The following RICTOR variants were observed in gnomAD, a reference collection of about 807,000 sequenced individuals.
The protein encoded by RICTOR is RPTOR independent companion of MTOR complex 2.
In RICTOR, 49 loss-of-function variants were observed where a neutral mutation model predicts 214.9. The observed-to-expected ratio is 0.23, with a 90% CI of 0.18 to 0.29. RICTOR has a LOEUF of 0.29. RICTOR is among the 10% of genes least tolerant of loss of function. The pLI is 1.00. For missense variants in RICTOR, 1,625 were observed against 2,047.0 expected, an observed-to-expected ratio of 0.79 and a Z score of 3.98; for synonymous variants, 717 against 711.3, an observed-to-expected ratio of 1.01 and a Z score of -0.13.
rs780921179 is a variant in RICTOR at position 38,944,965 on chromosome 5, C to T, written c.4737G>A (p.Gly1579=). The T allele has an allele frequency of 2.0e-5, 32 of 1,613,758 alleles. No individual in the cohort carries two copies. The highest frequency in any genetic ancestry group is 3.3e-5 in the Admixed American group (2 of 59,978). Residue 1579 remains glycine, a synonymous_variant, in exon 35 of 38, where the codon GGG becomes GGA. Transcript: ENST00000357387. ...TGCTAGCTGAGCCTTCTTGAGACACCCCATCACTGCATCCAGAAATCCCCG... is the reference window on the plus strand; with the variant it reads ...TGCTAGCTGAGCCTTCTTGAGACACTCCATCACTGCATCCAGAAATCCCCG... ...KFSGISGCSD[G]VSQEGSASST...
chr5:38,986,290 G>C (rs1201950542), intron 7 of RICTOR, among the ~76,000 whole-genome samples: 3 of 152,100 alleles, frequency 2.0e-5, no homozygotes, highest in Non-Finnish European at 2.9e-5. Flanking sequence ...ACAATTGTAA[G>C]TTTCCTGAGG....
At chr5:39,050,814 T>G (rs1757784639) in intron 2 of RICTOR, among the ~76,000 whole-genome samples, 1 of 152,190 alleles carries the variant, frequency 6.6e-6, no homozygotes, top group Non-Finnish European at 1.5e-5. Context: ...GAAATAAGAT[T>G]GTCCCATATG....
chr5:38,948,794 C>T (rs1018345107), intron 31 of RICTOR, among the ~76,000 whole-genome samples: 7 of 152,106 alleles, frequency 4.6e-5, no homozygotes, highest in Admixed American at 6.6e-5. Flanking sequence ...TAAGGGTACA[C>T]AATTCATTGT....
chr5:39,064,266 A>G (rs1195215616), intron 2 of RICTOR, among the ~76,000 whole-genome samples: 1 of 152,230 alleles, frequency 6.6e-6, no homozygotes, highest in East Asian at 1.9e-4. Flanking sequence ...GTATCTGTAG[A>G]TGACCCAAAA....
chr5:38,993,083 C>G (rs1372879862), intron 6 of RICTOR, among the ~76,000 whole-genome samples: 1 of 152,132 alleles, frequency 6.6e-6, no homozygotes, highest in Non-Finnish European at 1.5e-5. Context: ...AAAGACATGT[C>G]AGATAAAAAT....
intron 24 of RICTOR, 123 bp downstream of exon 24, chr5:38,958,320 A>G (rs1402013498): frequency 1.2e-5 from 8 of 665,686 alleles, no homozygotes; most frequent in African/African-American, 7.3e-5. Context: ...TGAAAAGACA[A>G]TGTTTCAATA....
At position 39,053,205 on chromosome 5, in the gene RICTOR, A is replaced by G. The variant is rs561553758; in HGVS notation, c.97+20906T>C. ...CTCTGGAAAATGCTAACAGTAAAAA[A>G]TAATACAATTTAATAAGTAGCTAAA... On this transcript the variant is annotated intron_variant, in intron 2 of 37. Coordinates refer to ENST00000357387, the MANE Select transcript of RICTOR (RefSeq NM_152756.5). 1.6e-4 allele frequency among the ~76,000 whole-genome samples: 25 copies of G among 152,368 alleles called. No homozygotes were observed. In the Middle Eastern group the frequency reaches 0.01, roughly 62 times the overall value.
At chr5:39,031,699 C>G (rs980311296) in intron 2 of RICTOR, among the ~76,000 whole-genome samples, 1 of 152,094 alleles carries the variant, frequency 6.6e-6, no homozygotes, top group Non-Finnish European at 1.5e-5. Flanking sequence ...TGTGAATACA[C>G]ATAAACAAAT....
At chr5:38,955,950 A>G (rs1222178769) in intron 25 of RICTOR, among the ~76,000 whole-genome samples, 1 of 152,032 alleles carries the variant, frequency 6.6e-6, no homozygotes, top group African/African-American at 2.4e-5. Context: ...GTTACTGCAC[A>G]GACAATGCCA....
In RICTOR at chr5:39,056,715, G is replaced by A. The variant is rs569299664; in HGVS notation, c.97+17396C>T. On this transcript the variant is annotated intron_variant, in intron 2 of 37. Coordinates refer to ENST00000357387, the MANE Select transcript of RICTOR (RefSeq NM_152756.5). ...GGAGCTACTTCAGACACAGTGATCA[G>A]AGAAGGCCTCAGTGATGATAAGGTG... Among the ~76,000 whole-genome samples, 22 of 151,938 alleles carry A rather than the reference G, an allele frequency of 1.4e-4. No individual in the cohort carries two copies. In the South Asian group the frequency reaches 4.4e-3, roughly 30 times the overall value.
chr5:38,985,840 C>T lies in RICTOR; in HGVS notation c.584-3804G>A, dbSNP rs150846896. On this transcript the variant is annotated intron_variant, in intron 7 of 37. Transcript: ENST00000357387. The stretch of plus-strand genomic sequence containing the variant: ...CCTCCCGAGTAGCTGGGATTACAGG[C>T]GCATGCCACCATGCCTGGCTAATTT... Among the ~76,000 whole-genome samples the T allele has an allele frequency of 6.5e-4, 99 of 152,104 alleles. 2 individuals carry two copies. The East Asian group carries it at 0.016, about 25-fold the overall frequency.
At chr5:39,058,848 A>C (rs1245039481) in intron 2 of RICTOR, among the ~76,000 whole-genome samples, 3 of 152,122 alleles carry the variant, frequency 2.0e-5, no homozygotes, top group African/African-American at 7.2e-5. Context: ...TCAACTTTCT[A>C]ATCTGTAGTT....
intron 2 of RICTOR, among the ~76,000 whole-genome samples, chr5:39,026,441 A>C (rs754589445): frequency 1.3e-5 from 2 of 152,186 alleles, no homozygotes; most frequent in Non-Finnish European, 2.9e-5. Flanking sequence ...AAAATACAAA[A>C]GAACTACTAG....
At chr5:38,997,796 G>A (rs368785199) in intron 5 of RICTOR, among the ~76,000 whole-genome samples, 20 of 152,250 alleles carry the variant, frequency 1.3e-4, no homozygotes, top group South Asian at 1.2e-3. Flanking sequence ...CTGGTCTTAC[G>A]GGCAGAGTCC....
chr5:39,005,013 TC>T (rs919395408), intron 3 of RICTOR, among the ~76,000 whole-genome samples: 16 of 152,182 alleles, frequency 1.1e-4, no homozygotes, highest in Non-Finnish European at 1.9e-4. Flanking sequence ...ACTCCCGACC[TC>T]AGGTGATCCG....
At chr5:39,071,347 CA>C (rs377131650) in intron 2 of RICTOR, among the ~76,000 whole-genome samples, 2,432 of 145,582 alleles carry the variant, frequency 0.017, 40 homozygotes, top group South Asian at 0.085. Flanking sequence ...CAGTATGTTT[CA>C]AAAAAAAAAG....
chr5:38,963,002 A>G lies in RICTOR; in HGVS notation c.1440T>C (p.His480=). The G allele has an allele frequency of 6.2e-7, 1 of 1,613,084 alleles. No homozygotes were observed. Among genetic ancestry groups the G allele is most frequent in the Non-Finnish European group, 8.5e-7 (1 of 1,179,272 alleles). The change falls in exon 17 of 38, where the codon CAT becomes CAC. Residue 480 remains histidine (H), a synonymous_variant. Transcript: ENST00000357387. The stretch of plus-strand genomic sequence containing the variant: ...GCTTAGGTCCTCGTTTCTTCATTTC[A>G]TGGAAGCGTTTTAAACAGTTCAAGG... ...SAALNCLKRF[H]EMKKRGPKPY...
intron 2 of RICTOR, among the ~76,000 whole-genome samples, chr5:39,064,272 C>G (rs1758751467): frequency 6.6e-6 from 1 of 152,088 alleles, no homozygotes; most frequent in Non-Finnish European, 1.5e-5. Context: ...GTAGATGACC[C>G]AAAAAGCATT....
intron 2 of RICTOR, among the ~76,000 whole-genome samples, chr5:39,049,881 A>C (rs1757731588): frequency 6.6e-6 from 1 of 152,170 alleles, no homozygotes; most frequent in Non-Finnish European, 1.5e-5. Context: ...AAAAAGTTTA[A>C]CAACCAAGAA....
Sources: gnomAD v4.1 joint callset for allele counts (sites outside exome capture counted in the v4.1 genomes callset) on GRCh38, gnomAD v4.1.1 for gene constraint, MANE v1.5 for transcripts, NCBI Gene and HGNC (gene_info 2026-07-23, HGNC 2026-07-21) for gene names.